The following RXFP1 variants were observed in gnomAD, a reference collection of about 807,000 sequenced individuals.
RXFP1 encodes the protein relaxin family peptide receptor 1.
A neutral mutation model predicts 89.8 loss-of-function variants in RXFP1; 73 were observed. The observed-to-expected ratio is 0.81, with a 90% CI of 0.67 to 0.99. The LOEUF is 0.99. Among genes scored for constraint, RXFP1 ranks in the 50% least tolerant of loss-of-function variants. RXFP1 has a pLI of 0.00. For missense variants in RXFP1, 793 were observed against 895.5 expected (o/e 0.89, Z 1.46); for synonymous variants, 277 against 305.5 (o/e 0.91, Z 0.97).
At chr4:158,583,884 A>G (rs945924807) in intron 2 of RXFP1, among the ~76,000 whole-genome samples, 1 of 152,212 alleles carries the variant, frequency 6.6e-6, no homozygotes, top group African/African-American at 2.4e-5. Flanking sequence ...AGTTGCCTCC[A>G]AAAGGTATTA....
intron 2 of RXFP1, among the ~76,000 whole-genome samples, chr4:158,589,306 G>C (rs1029914176): frequency 2.0e-5 from 3 of 152,178 alleles, no homozygotes; most frequent in Non-Finnish European, 4.4e-5. Context: ...AACCATATCA[G>C]ATACCCATAT....
chr4:158,590,752 T>C (rs974923565), intron 2 of RXFP1, among the ~76,000 whole-genome samples: 4 of 152,206 alleles, frequency 2.6e-5, no homozygotes, highest in African/African-American at 9.7e-5. Flanking sequence ...TTGAGATGTC[T>C]GAGAGTCTGT....
rs1337422005 is a variant in RXFP1 at position 158,653,085 on chromosome 4, G to GA, written c.*1034dup. 1 of 152,172 alleles carries GA rather than the reference G, an allele frequency of 6.6e-6. No individual in the cohort carries two copies. The highest frequency in any genetic ancestry group is 6.5e-5 in the Admixed American group (1 of 15,272). The allele number at this position is 152,172 out of a possible 1,614,324, so 9.4% of individuals were successfully genotyped here. On this transcript the variant is annotated 3_prime_UTR_variant, in exon 18 of 18. Transcript: ENST00000307765. ...GTATGTACACATTTCACTTTAAGCA[G>GA]AAAATCTTTCTTCAAGAAATGACTT...
At chr4:158,537,374 A>T (rs1263248457) in intron 1 of RXFP1, among the ~76,000 whole-genome samples, 2 of 152,096 alleles carry the variant, frequency 1.3e-5, no homozygotes, top group African/African-American at 4.8e-5. Context: ...TTCACAGACA[A>T]AATCTGTAGT....
intron 2 of RXFP1, among the ~76,000 whole-genome samples, chr4:158,592,864 A>G (rs993148491): frequency 5.3e-5 from 8 of 151,956 alleles, no homozygotes; most frequent in African/African-American, 1.9e-4. Context: ...GCCGAGGCGG[A>G]CAGATTTGAA....
chr4:158,561,962 T>C (rs903427407), intron 1 of RXFP1, among the ~76,000 whole-genome samples: 2 of 152,180 alleles, frequency 1.3e-5, no homozygotes, highest in Non-Finnish European at 2.9e-5. Context: ...TTAAAAACTT[T>C]AGAAAATCCA....
At chr4:158,580,836 C>T (rs1355237246) in intron 2 of RXFP1, among the ~76,000 whole-genome samples, 2 of 152,144 alleles carry the variant, frequency 1.3e-5, no homozygotes, top group African/African-American at 2.4e-5. Context: ...CTTGCTCTAT[C>T]ACCCAGACTG....
intron 12 of RXFP1, among the ~76,000 whole-genome samples, chr4:158,635,754 C>T (rs1224433148): frequency 6.6e-6 from 1 of 152,038 alleles, no homozygotes; most frequent in Admixed American, 6.6e-5. Flanking sequence ...TTCTCTCTTT[C>T]CTTCTTTCTG....
chr4:158,529,472 C>A (rs1026850759), intron 1 of RXFP1, among the ~76,000 whole-genome samples: 20 of 152,014 alleles, frequency 1.3e-4, no homozygotes, highest in African/African-American at 4.6e-4. Flanking sequence ...GTTGCCCAGA[C>A]TGGTCTCGAA....
At chr4:158,599,185 A>G (rs921265698) in intron 3 of RXFP1, 141 bp from the exon 4 acceptor site, 1 of 1,339,278 alleles carries the variant, frequency 7.5e-7, no homozygotes, top group Non-Finnish European at 1.0e-6. Context: ...AATTTAAAGC[A>G]TTGCCTAAAT....
At chr4:158,538,589 A>G (rs1428501894) in intron 1 of RXFP1, among the ~76,000 whole-genome samples, 1 of 152,190 alleles carries the variant, frequency 6.6e-6, no homozygotes, top group Admixed American at 6.5e-5. Flanking sequence ...CAAGGCGGGC[A>G]GATCACCTGA....
intron 15 of RXFP1, chr4:158,646,589 G>T: frequency 7.2e-7 from 1 of 1,397,846 alleles, no homozygotes; most frequent in East Asian, 2.6e-5. Context: ...TAACTGTAGA[G>T]AGTAACTTTG....
intron 2 of RXFP1, among the ~76,000 whole-genome samples, chr4:158,590,230 T>A (rs1010513332): frequency 6.6e-6 from 1 of 152,136 alleles, no homozygotes; most frequent in African/African-American, 2.4e-5. Flanking sequence ...CAGTGTGCAA[T>A]CTCGGCTCAC....
intron 5 of RXFP1, among the ~76,000 whole-genome samples, chr4:158,605,758 A>C (rs1173241956): frequency 6.6e-6 from 1 of 152,196 alleles, no homozygotes; most frequent in East Asian, 1.9e-4. Flanking sequence ...CTTTGTGACT[A>C]AATTATGTTG....
chr4:158,598,422 G>A (rs1761041958), intron 3 of RXFP1, among the ~76,000 whole-genome samples: 2 of 152,128 alleles, frequency 1.3e-5, no homozygotes, highest in Non-Finnish European at 2.9e-5. Flanking sequence ...ACTGGAGTCT[G>A]TAACCCCTGC....
chr4:158,640,915 T>C (rs1397214377), intron 14 of RXFP1, among the ~76,000 whole-genome samples: 1 of 152,244 alleles, frequency 6.6e-6, no homozygotes, highest in Non-Finnish European at 1.5e-5. Flanking sequence ...TTGAAACATC[T>C]TTTATTCAAA....
At chr4:158,541,358 A>ACACACACACG (rs1746583669) in intron 1 of RXFP1, among the ~76,000 whole-genome samples, 1 of 150,990 alleles carries the variant, frequency 6.6e-6, no homozygotes, top group South Asian at 2.1e-4. Context: ...ATGCACACAC[A>ACACACACACG]CACACACACA....
chr4:158,614,104 A>G (rs1490984666), intron 8 of RXFP1, among the ~76,000 whole-genome samples: 1 of 152,202 alleles, frequency 6.6e-6, no homozygotes, highest in African/African-American at 2.4e-5. Flanking sequence ...TGGGCTTAAA[A>G]TGTTTAGTAA....
chr4:158,623,717 T>A (rs976534801), intron 9 of RXFP1, among the ~76,000 whole-genome samples: 3 of 152,146 alleles, frequency 2.0e-5, no homozygotes, highest in African/African-American at 4.8e-5. Flanking sequence ...TGCATTCACA[T>A]ATAGGATATG....
Sources: gnomAD v4.1 joint callset for allele counts (sites outside exome capture counted in the v4.1 genomes callset) on GRCh38, gnomAD v4.1.1 for gene constraint, MANE v1.5 for transcripts, NCBI Gene and HGNC (gene_info 2026-07-23, HGNC 2026-07-21) for gene names.